CNTN4: variants seen among roughly 807,000 people sequenced by gnomAD.
CNTN4 encodes contactin 4.
A neutral mutation model predicts 122.5 loss-of-function variants in CNTN4; 77 were observed. The ratio of observed to expected loss-of-function variants is 0.63; its 90% CI spans 0.52 to 0.76. The LOEUF (loss-of-function observed/expected upper bound fraction) is 0.76, where lower values mean the gene tolerates loss of function less well. Among genes scored for constraint, CNTN4 ranks in the 30% least tolerant of loss-of-function variants. The pLI, the probability that CNTN4 is intolerant of heterozygous loss-of-function variation, is 0.00. For synonymous variants in CNTN4, 512 were observed against 447.0 expected (o/e 1.15, Z -1.83); for missense variants, 1,256 against 1,259.1 (o/e 1.00, Z 0.04).
Position 2,141,586 on chromosome 3 carries a change from T to G in CNTN4, c.-145+40947T>G, listed in dbSNP as rs561705801. ...CTTTAAATTACTACATTTGTGGCAA[T>G]TTGTCACATCAGTAGTAGGAAATGA... On this transcript the variant is annotated intron_variant, in intron 2 of 24. Transcript: ENST00000418658. Among the ~76,000 whole-genome samples, 6 of 152,240 alleles carry G rather than the reference T, an allele frequency of 3.9e-5. No homozygotes were observed. The South Asian group carries it at 1.2e-3, about 32-fold the overall frequency.
chr3:2,120,374 A>ATAAAT (rs2033653105), intron 2 of CNTN4, among the ~76,000 whole-genome samples: 3 of 59,100 alleles, frequency 5.1e-5, no homozygotes, highest in African/African-American at 2.2e-4. Flanking sequence ...TATATATATA[A>ATAAAT]ATATATATAT....
chr3:2,560,060 C>T (rs576932673), intron 3 of CNTN4, among the ~76,000 whole-genome samples: 26 of 152,200 alleles, frequency 1.7e-4, no homozygotes, highest in Admixed American at 1.2e-3. Flanking sequence ...TGGGAGATCC[C>T]ATATTATAGT....
At chr3:2,538,754 C>G (rs2077912225) in intron 3 of CNTN4, among the ~76,000 whole-genome samples, 1 of 151,800 alleles carries the variant, frequency 6.6e-6, no homozygotes, top group Admixed American at 6.6e-5. Context: ...AAAATATAAT[C>G]ATTCCTAATG....
chr3:2,346,835 C>T (rs1617890), intron 3 of CNTN4, among the ~76,000 whole-genome samples: 30,915 of 151,794 alleles, frequency 0.2, 3,544 homozygotes, highest in African/African-American at 0.31. Flanking sequence ...TTTTCTCTTA[C>T]GCTATTCTGT....
intron 3 of CNTN4, among the ~76,000 whole-genome samples, chr3:2,408,529 A>G (rs2047117045): frequency 6.6e-6 from 1 of 152,218 alleles, no homozygotes; most frequent in South Asian, 2.1e-4. Flanking sequence ...TTATGTAATA[A>G]ATAGAGATGT....
In CNTN4 at chr3:2,441,955, T is replaced by C. The variant is rs76152528; in HGVS notation, c.-89+102722T>C. ...TGATTAACCTTCATTTGAAATTGGC[T>C]CTTAGCAACATATACTTCCTTCTCA... On this transcript the variant is annotated intron_variant, in intron 3 of 24. Transcript: ENST00000418658. 3.8e-3 allele frequency among the ~76,000 whole-genome samples: 584 copies of C among 152,318 alleles called. 4 individuals carry two copies. The highest frequency in any genetic ancestry group is 0.014 in the African/African-American group (572 of 41,580).
intron 4 of CNTN4, among the ~76,000 whole-genome samples, chr3:2,583,888 G>C (rs888163677): frequency 6.6e-6 from 1 of 152,104 alleles, no homozygotes; most frequent in Non-Finnish European, 1.5e-5. Context: ...ATTTAAGTGA[G>C]AAATCCAGGC....
chr3:2,691,219 T>C lies in CNTN4; in HGVS notation c.56-44996T>C, dbSNP rs187535739. On this transcript the variant is annotated intron_variant, in intron 4 of 24. Transcript: ENST00000418658. ...GGCATTCCTCAAGAACGTCTCAAAA[T>C]TATTAGTTATATTCCTTTATTCCTC... Among the ~76,000 whole-genome samples the C allele has an allele frequency of 1.2e-4, 19 of 152,322 alleles. No individual in the cohort carries two copies. In the East Asian group the frequency reaches 2.1e-3, roughly 17 times the overall value.
intron 2 of CNTN4, among the ~76,000 whole-genome samples, chr3:2,245,605 C>G (rs2040114471): frequency 6.6e-6 from 1 of 151,962 alleles, no homozygotes; most frequent in Non-Finnish European, 1.5e-5. Flanking sequence ...TAGTAACGTA[C>G]ATTGAGTTTT....
chr3:3,024,218 A>G (rs960489476), intron 14 of CNTN4, among the ~76,000 whole-genome samples: 1 of 152,144 alleles, frequency 6.6e-6, no homozygotes, highest in Non-Finnish European at 1.5e-5. Context: ...TCTTTATCAA[A>G]TAAAACCCAT....
chr3:2,148,942 C>CTGTGTGTG (rs59161687), intron 2 of CNTN4, among the ~76,000 whole-genome samples: 1 of 149,100 alleles, frequency 6.7e-6, no homozygotes, highest in African/African-American at 2.5e-5. Flanking sequence ...ACTACCGTGA[C>CTGTGTGTG]TGTGTGTGTG....
At chr3:2,698,878 C>T (rs2086195866) in intron 4 of CNTN4, among the ~76,000 whole-genome samples, 1 of 152,096 alleles carries the variant, frequency 6.6e-6, no homozygotes, top group Non-Finnish European at 1.5e-5. Flanking sequence ...CAAAAATTAG[C>T]CAGGTGTGGT....
intron 3 of CNTN4, among the ~76,000 whole-genome samples, chr3:2,378,700 A>C (rs142089994): frequency 6.6e-6 from 1 of 152,220 alleles, no homozygotes; most frequent in East Asian, 1.9e-4. Flanking sequence ...GATCTAACTA[A>C]AACACATAGG....
chr3:2,151,054 A>G (rs1375671349), intron 2 of CNTN4, among the ~76,000 whole-genome samples: 1 of 152,144 alleles, frequency 6.6e-6, no homozygotes, highest in Non-Finnish European at 1.5e-5. Context: ...GAAAGACAAT[A>G]GCTAGTAAGC....
intron 3 of CNTN4, among the ~76,000 whole-genome samples, chr3:2,370,990 A>G (rs1204082420): frequency 2.0e-5 from 3 of 152,176 alleles, no homozygotes; most frequent in Admixed American, 6.5e-5. Context: ...TTGCTTGGCA[A>G]TTTCATAATT....
At chr3:2,595,589 C>T (rs981190583) in intron 4 of CNTN4, among the ~76,000 whole-genome samples, 3 of 152,142 alleles carry the variant, frequency 2.0e-5, no homozygotes, top group Admixed American at 2.0e-4. Context: ...CCCCTTGGCT[C>T]CAGGCCCCCA....
intron 7 of CNTN4, among the ~76,000 whole-genome samples, chr3:2,831,695 C>T (rs1350908804): frequency 3.9e-5 from 6 of 152,222 alleles, no homozygotes; most frequent in Non-Finnish European, 5.9e-5. Flanking sequence ...TAGGACTTCA[C>T]AAATCCATAT....
At chr3:2,927,403 A>G in intron 13 of CNTN4, 2 of 444,602 alleles carry the variant, frequency 4.5e-6, no homozygotes, top group Non-Finnish European at 4.5e-6. Context: ...CCAAACATGC[A>G]TGGGTTCTTA....
chr3:2,180,604 T>A (rs1205654081), intron 2 of CNTN4, among the ~76,000 whole-genome samples: 2 of 152,092 alleles, frequency 1.3e-5, no homozygotes, highest in Non-Finnish European at 2.9e-5. Context: ...ACCTTCCTTA[T>A]CCATGTTTCC....
Sources: allele counts gnomAD v4.1 joint callset (sites outside exome capture counted in the v4.1 genomes callset), GRCh38; gene constraint gnomAD v4.1.1; transcripts MANE v1.5; gene names NCBI Gene and HGNC (gene_info 2026-07-23, HGNC 2026-07-21).